GLMN: variants seen among roughly 807,000 people sequenced by gnomAD.
GLMN encodes glomulin, FKBP associated protein.
GLMN carries 75 observed loss-of-function variants against 87.8 expected under a neutral mutation model. That is an observed-to-expected ratio of 0.85 (90% CI 0.71 to 1.04). GLMN has a LOEUF of 1.04. Among genes scored for constraint, GLMN ranks in the 50% least tolerant of loss-of-function variants. The pLI is 0.00. For missense variants in GLMN, 588 were observed against 658.8 expected, an observed-to-expected ratio of 0.89 and a Z score of 1.18; for synonymous variants, 206 against 221.6, an observed-to-expected ratio of 0.93 and a Z score of 0.63.
At chr1:92,303,854 A>G, upstream of GLMN, 2 of 546,440 alleles carry the variant, frequency 3.7e-6, no homozygotes, top group Non-Finnish European at 3.1e-6. Flanking sequence ...TCTAACCTCT[A>G]ACTTATGAGG....
At chr1:92,275,335 G>C (rs1647204740) in intron 7 of GLMN, among the ~76,000 whole-genome samples, 1 of 152,132 alleles carries the variant, frequency 6.6e-6, no homozygotes, top group African/African-American at 2.4e-5. Context: ...TTCTCAACAT[G>C]TTTTCTTACC....
chr1:92,297,602 T>G, intron 2 of GLMN, 73 bp from the exon 3 acceptor site: 1 of 1,246,066 alleles, frequency 8.0e-7, no homozygotes, highest in Admixed American at 2.0e-5. Context: ...ATACAATAAC[T>G]TCTTGATTTA....
At chr1:92,358,301 C>T in the GLMN span, among the ~76,000 whole-genome samples, 1 of 152,144 alleles carries the variant, frequency 6.6e-6, no homozygotes, top group African/African-American at 2.4e-5. Flanking sequence ...ATATGTTTCT[C>T]ATCATAGTCT....
upstream of GLMN, among the ~76,000 whole-genome samples, chr1:92,302,768 T>G (rs186962028): frequency 1.3e-5 from 2 of 151,718 alleles, no homozygotes; most frequent in African/African-American, 2.4e-5. Context: ...CCCGGCTAAT[T>G]TTTTTGTATT....
intron 16 of GLMN, among the ~76,000 whole-genome samples, chr1:92,253,006 C>CCTGCAA (rs1360838444): frequency 6.6e-6 from 1 of 152,128 alleles, no homozygotes; most frequent in Non-Finnish European, 1.5e-5. Context: ...AGAATACAGT[C>CCTGCAA]AGTGATGGTA....
At chr1:92,341,657 C>T in the GLMN span, among the ~76,000 whole-genome samples, 1 of 152,100 alleles carries the variant, frequency 6.6e-6, no homozygotes, top group African/African-American at 2.4e-5. Context: ...AAAGGAAATA[C>T]TTTTTTGAGT....
At chr1:92,345,899 TG>T in the GLMN span, 1 of 1,603,742 alleles carries the variant, frequency 6.2e-7, no homozygotes, top group African/African-American at 1.3e-5. Flanking sequence ...TTAATTGCTA[TG>T]GTGTTGCTGT....
the GLMN span, among the ~76,000 whole-genome samples, chr1:92,343,023 A>C: frequency 6.6e-6 from 1 of 152,326 alleles, no homozygotes; most frequent in African/African-American, 2.4e-5. Context: ...AGTTGTCAGC[A>C]TATAGTTTCT....
intron 16 of GLMN, 66 bp from the exon 17 acceptor site, chr1:92,248,055 T>C: frequency 1.3e-6 from 1 of 772,760 alleles, no homozygotes; most frequent in Non-Finnish European, 2.3e-6. Flanking sequence ...TTAAACGCGA[T>C]AAAAGCTCAA....
the GLMN span, among the ~76,000 whole-genome samples, chr1:92,358,409 C>A: frequency 6.6e-6 from 1 of 151,898 alleles, no homozygotes; most frequent in African/African-American, 2.4e-5. Context: ...TTCCTCCTCA[C>A]GAAACTTTCC....
At chr1:92,281,704 T>G (rs189621121) in intron 7 of GLMN, among the ~76,000 whole-genome samples, 1 of 152,078 alleles carries the variant, frequency 6.6e-6, no homozygotes. Context: ...AACCCATTGG[T>G]GTGCTGTATT....
chr1:92,257,429 G>A (rs1373875574), intron 16 of GLMN, among the ~76,000 whole-genome samples: 3 of 151,938 alleles, frequency 2.0e-5, no homozygotes, highest in East Asian at 1.9e-4. Flanking sequence ...AAAAGTGTCC[G>A]GATAGCCAGG....
intron 3 of GLMN, among the ~76,000 whole-genome samples, chr1:92,295,785 C>T (rs1023380097): frequency 6.6e-6 from 1 of 152,150 alleles, no homozygotes; most frequent in Non-Finnish European, 1.5e-5. Context: ...TGAACACCTA[C>T]CTTCTGAGAT....
intron 7 of GLMN, among the ~76,000 whole-genome samples, chr1:92,278,504 C>T (rs1647572277): frequency 6.6e-6 from 1 of 152,208 alleles, no homozygotes; most frequent in Non-Finnish European, 1.5e-5. Context: ...AGCATCCCTT[C>T]ATCTGACCCC....
chr1:92,283,061 G>C (rs1033923215), intron 7 of GLMN, among the ~76,000 whole-genome samples: 12 of 152,260 alleles, frequency 7.9e-5, no homozygotes, highest in African/African-American at 2.9e-4. Flanking sequence ...AAGAGGAGAT[G>C]GTACCATTCC....
At chr1:92,320,536 C>A in the GLMN span, 2 of 1,392,918 alleles carry the variant, frequency 1.4e-6, no homozygotes, top group Non-Finnish European at 2.0e-6. Context: ...TCCGAAAGTG[C>A]TGGGGTTACA....
At chr1:92,260,137 A>G (rs1654838393) in intron 16 of GLMN, among the ~76,000 whole-genome samples, 1 of 152,142 alleles carries the variant, frequency 6.6e-6, no homozygotes, top group African/African-American at 2.4e-5. Context: ...GACACGACCT[A>G]TTGTCATTGC....
intron 16 of GLMN, among the ~76,000 whole-genome samples, chr1:92,261,051 C>CTTGA (rs201754616): frequency 6.6e-6 from 1 of 152,156 alleles, no homozygotes; most frequent in East Asian, 1.9e-4. Context: ...TACAGCCTTT[C>CTTGA]TTGATTACTA....
At chr1:92,299,685 A>G (rs1650659050), upstream of GLMN, among the ~76,000 whole-genome samples, 1 of 152,252 alleles carries the variant, frequency 6.6e-6, no homozygotes, top group Non-Finnish European at 1.5e-5. Context: ...CATTTTAACC[A>G]AGAAAAATTA....
Sources: allele counts gnomAD v4.1 joint callset (sites outside exome capture counted in the v4.1 genomes callset), GRCh38; gene constraint gnomAD v4.1.1; transcripts MANE v1.5; gene names NCBI Gene and HGNC (gene_info 2026-07-23, HGNC 2026-07-21).